The following EPHB6 variants were observed in gnomAD, a reference collection of about 807,000 sequenced individuals.
The protein encoded by EPHB6 is EPH receptor B6, also known as ephrin type-B receptor 6.
In EPHB6, 51 loss-of-function variants were observed where a neutral mutation model predicts 107.0. The observed-to-expected ratio is 0.48, with a 90% CI of 0.38 to 0.60. The LOEUF is 0.60. Ranked by LOEUF, EPHB6 falls within the 20% of genes least tolerant of loss-of-function variation. The probability of loss-of-function intolerance (pLI) is 0.00; values close to 1 mark genes in which losing one functional copy is unlikely to be tolerated. For missense variants in EPHB6, 1,141 were observed against 1,355.5 expected, an observed-to-expected ratio of 0.84 and a Z score of 2.48; for synonymous variants, 553 against 549.0, an observed-to-expected ratio of 1.01 and a Z score of -0.10.
Position 142,866,814 on chromosome 7 carries a change from C to G in EPHB6, c.1588-92C>G. ...GCAGCACTGGGCATGTGTCTGAGAG[C>G]CCTGTCAACCAGGGAGGGTGGCTGG... is the stretch of plus-strand genomic sequence containing the variant. On this transcript the variant is annotated intron_variant, in intron 10 of 19. Transcript: ENST00000652003. This position sits in a 1 kb window ranked among gnomAD's most constrained non-coding sequence, Gnocchi z 5.2. The G allele has an allele frequency of 1.2e-6, 2 of 1,604,432 alleles. No homozygotes were observed. The highest frequency in any genetic ancestry group is 1.7e-6 in the Non-Finnish European group (2 of 1,172,502).
chr7:142,868,003 G>C lies in EPHB6; in HGVS notation c.1872G>C (p.Arg624=). Residue 624 remains arginine (R), a synonymous_variant, in exon 13 of 20, where the codon CGG becomes CGC. Transcript: ENST00000652003. The surrounding 1 kb of genome is among the most constrained non-coding windows in gnomAD (Gnocchi z 4.2). The part of the protein sequence containing the change: ...TVLAVVFQRK[R]RGTGYTEQLQ... ...TCACCGTTTTGTTCCTCAGGAAGCG[G>C]CGTGGGACTGGCTACACAGAGCAGC... 6.3e-7 allele frequency: 1 copy of C among 1,579,774 alleles called. No individual in the cohort carries two copies. Among genetic ancestry groups the C allele is most frequent in the Non-Finnish European group, 8.6e-7 (1 of 1,162,792 alleles).
rs779720393 is a variant in EPHB6 at position 142,868,679 on chromosome 7, C to T, written c.2226C>T (p.Ser742=). 2.0e-5 allele frequency: 33 copies of T among 1,613,838 alleles called. No homozygotes were observed. The highest frequency in any genetic ancestry group is 2.6e-5 in the Non-Finnish European group (31 of 1,180,036). ...ILRLEGVVTK[S]RPLMVLTEFM... ...GGCTGGAGGGCGTGGTCACCAAGAG[C>T]CGACCCCTCATGGTGCTGACGGAGT... The change falls in exon 15 of 20, where the codon AGC becomes AGT. Residue 742 remains serine, a synonymous_variant. Coordinates refer to ENST00000652003, the MANE Select transcript of EPHB6 (RefSeq NM_004445.6). The surrounding 1 kb of genome is among the most constrained non-coding windows in gnomAD (Gnocchi z 4.2).
chr7:142,868,743 A>G lies in EPHB6; in HGVS notation c.2286+4A>G, dbSNP rs761800698. 2 of 1,613,842 alleles carry G rather than the reference A, an allele frequency of 1.2e-6. No homozygotes were observed. The highest frequency in any genetic ancestry group is 2.2e-5 in the East Asian group (1 of 44,866). ...CCCCCTGGACAGCTTCCTCAGGGTCAGTCCAGCCTGGGTGAAGGAGGAGGG... is the reference window on the plus strand; with the variant it reads ...CCCCCTGGACAGCTTCCTCAGGGTCGGTCCAGCCTGGGTGAAGGAGGAGGG... On this transcript the variant is annotated splice_donor_region_variant and intron_variant, in intron 15 of 19. Coordinates refer to ENST00000652003, the MANE Select transcript of EPHB6 (RefSeq NM_004445.6). This position sits in a 1 kb window ranked among gnomAD's most constrained non-coding sequence, Gnocchi z 4.2.
intron 1 of EPHB6, among the ~76,000 whole-genome samples, chr7:142,860,587 T>C (rs947673346): frequency 2.0e-5 from 3 of 152,260 alleles, no homozygotes; most frequent in Non-Finnish European, 2.9e-5. Flanking sequence ...TGAAGGATCC[T>C]AGTAACATTT....
rs1322291882 is a variant in EPHB6 at position 142,868,693 on chromosome 7, T to C, written c.2240T>C (p.Val747Ala). Residue 747 changes from valine (V) to alanine (A), a missense_variant, in exon 15 of 20, where the codon GTG (valine) becomes GCG (alanine). Coordinates refer to ENST00000652003, the MANE Select transcript of EPHB6 (RefSeq NM_004445.6). This position sits in a 1 kb window ranked among gnomAD's most constrained non-coding sequence, Gnocchi z 4.2. ...GTCACCAAGAGCCGACCCCTCATGG[T>C]GCTGACGGAGTTCATGGAGCTTGGC... is the stretch of plus-strand genomic sequence containing the variant. Reference protein sequence around the residue: ...GVVTKSRPLMVLTEFMELGPL... With the variant: ...GVVTKSRPLMALTEFMELGPL... The C allele has an allele frequency of 6.2e-7, 1 of 1,613,930 alleles. No individual in the cohort carries two copies. Among genetic ancestry groups the C allele is most frequent in the Non-Finnish European group, 8.5e-7 (1 of 1,180,004 alleles).
chr7:142,863,854 C>G, intron 6 of EPHB6, 112 bp from the exon 7 acceptor site: 1 of 1,534,278 alleles, frequency 6.5e-7, no homozygotes, highest in Non-Finnish European at 9.0e-7. Context: ...ATCTGCTTTG[C>G]TTGTCATTAA....
intron 8 of EPHB6, 69 bp downstream of exon 8, chr7:142,865,699 C>T (rs929032486): frequency 1.3e-6 from 2 of 1,579,172 alleles, no homozygotes; most frequent in Non-Finnish European, 1.7e-6. Context: ...GGGTAGCAGG[C>T]AACACTGGGG....
intron 1 of EPHB6, among the ~76,000 whole-genome samples, chr7:142,856,546 G>A (rs367918771): frequency 2.0e-5 from 3 of 152,132 alleles, no homozygotes; most frequent in African/African-American, 4.8e-5. Context: ...CTTCTGGGAC[G>A]GCTGTTCTGC....
chr7:142,868,914 A>C lies in EPHB6; in HGVS notation c.2287-60A>C. ...CTCATGCTGTTGTCTGCTATGCAGTATGTTGAGGTCTCCCCCTGTCTCCGA... is the reference window on the plus strand; with the variant it reads ...CTCATGCTGTTGTCTGCTATGCAGTCTGTTGAGGTCTCCCCCTGTCTCCGA... On this transcript the variant is annotated intron_variant, in intron 15 of 19. Transcript: ENST00000652003. This position sits in a 1 kb window ranked among gnomAD's most constrained non-coding sequence, Gnocchi z 4.2. 1 of 1,522,194 alleles carries C rather than the reference A, an allele frequency of 6.6e-7. No individual in the cohort carries two copies. The highest frequency in any genetic ancestry group is 8.8e-7 in the Non-Finnish European group (1 of 1,134,878). 94.3% of individuals were successfully genotyped at this position (1,522,194 alleles called of 1,614,324 possible). A position where few individuals can be genotyped will look rare whatever the true frequency, so the allele number is the denominator to read the frequency against.
Position 142,867,557 on chromosome 7 carries a change from G to A in EPHB6, c.1751-51G>A. The A allele has an allele frequency of 6.6e-7, 1 of 1,503,996 alleles. No individual in the cohort carries two copies. Among genetic ancestry groups the A allele is most frequent in the Non-Finnish European group, 9.1e-7 (1 of 1,094,664 alleles). The allele number at this position is 1,503,996 out of a possible 1,614,324, so 93.2% of individuals were successfully genotyped here. A position where few individuals can be genotyped will look rare whatever the true frequency, so the allele number is the denominator to read the frequency against. ...TGTGGGTGCCTGGGCACATGAACAA[G>A]CACCTGTGAGAGACCTGGCCCACCT... On this transcript the variant is annotated intron_variant, in intron 11 of 19. Transcript: ENST00000652003. This position sits in a 1 kb window ranked among gnomAD's most constrained non-coding sequence, Gnocchi z 5.3.
intron 1 of EPHB6, among the ~76,000 whole-genome samples, chr7:142,860,144 A>G (rs1802780001): frequency 6.6e-6 from 1 of 152,166 alleles, no homozygotes; most frequent in Non-Finnish European, 1.5e-5. Context: ...TATTTCCAAA[A>G]TATTTATTGT....
In EPHB6 at chr7:142,869,040, C is replaced by T. The variant is rs2116477236; in HGVS notation, c.2353C>T (p.Gln785Ter). The stretch of plus-strand genomic sequence containing the variant: ...GCAGCGGGGAGTGGCTGCTGCCATG[C>T]AGTACCTGTCCAGCTTTGCCTTCGT... ...AMQRGVAAAMQYLSSFAFVHR... is the reference protein window; with the variant it reads ...AMQRGVAAAM The change falls in exon 16 of 20, where the codon CAG becomes TAG. Residue 785 changes from glutamine (Q) to a stop codon, truncating the protein, a stop_gained. Coordinates refer to ENST00000652003, the MANE Select transcript of EPHB6 (RefSeq NM_004445.6). LOFTEE classifies it high-confidence loss of function. This position sits in a 1 kb window ranked among gnomAD's most constrained non-coding sequence, Gnocchi z 4.5. The T allele has an allele frequency of 6.2e-7, 1 of 1,613,090 alleles. No homozygotes were observed. Among genetic ancestry groups the T allele is most frequent in the Non-Finnish European group, 8.5e-7 (1 of 1,180,002 alleles).
intron 4 of EPHB6, 82 bp from the exon 5 acceptor site, chr7:142,863,045 G>A: frequency 1.6e-6 from 1 of 607,532 alleles, no homozygotes; most frequent in Non-Finnish European, 2.9e-6. Flanking sequence ...CACAGACACG[G>A]GGTCAGCTTT....
chr7:142,855,642 A>G lies in EPHB6; in HGVS notation c.-432+257A>G, dbSNP rs1802568664. On this transcript the variant is annotated intron_variant, in intron 1 of 19. Coordinates refer to ENST00000652003, the MANE Select transcript of EPHB6 (RefSeq NM_004445.6). This position sits in a 1 kb window ranked among gnomAD's most constrained non-coding sequence, Gnocchi z 4.2. ...ATTACCCTTGCTGTTAGGATCCCCC[A>G]GTTGCGTTCCCAGACATTCTCCTCT... 6.6e-6 allele frequency among the ~76,000 whole-genome samples: 1 copy of G among 152,084 alleles called. No homozygotes were observed. Among genetic ancestry groups the G allele is most frequent in the African/African-American group, 2.4e-5 (1 of 41,416 alleles).
chr7:142,856,165 G>T (rs1451715397), intron 1 of EPHB6, among the ~76,000 whole-genome samples: 2 of 152,306 alleles, frequency 1.3e-5, no homozygotes, highest in Middle Eastern at 6.8e-3. Flanking sequence ...CCCTCCGCCC[G>T]CCAGGGGAAC....
At position 142,867,634 on chromosome 7, in the gene EPHB6, A is replaced by G; in HGVS notation, c.1777A>G (p.Arg593Gly). ...QGELSSQLPE[R>G]LSLVIGSILG... The stretch of plus-strand genomic sequence containing the variant: ...GGAGCTGTCTTCCCAGCTTCCAGAA[A>G]GACTCTCCTTGGTGATCGGCTCCAT... Residue 593 changes from arginine (R) to glycine (G), a missense_variant, in exon 12 of 20, where the codon AGA becomes GGA. Around this residue, in one of 3 missense-constraint regions of EPHB6, gnomAD observed 616 missense variants for 759.3 expected, o/e 0.81. Transcript: ENST00000652003. The surrounding 1 kb of genome is among the most constrained non-coding windows in gnomAD (Gnocchi z 5.3). The G allele has an allele frequency of 1.2e-6, 2 of 1,613,450 alleles. No individual in the cohort carries two copies. The highest frequency in any genetic ancestry group is 1.7e-5 in the Admixed American group (1 of 60,002).
chr7:142,868,121 T>A lies in EPHB6; in HGVS notation c.1918+72T>A. 6.2e-7 allele frequency: 1 copy of A among 1,613,074 alleles called. No homozygotes were observed. Among genetic ancestry groups the A allele is most frequent in the Admixed American group, 1.7e-5 (1 of 59,974 alleles). ...GGGGCACATGGCAGGCAAGGCTGGA[T>A]CCCCCCAAGATTGGGGGAGCTCCTT... On this transcript the variant is annotated intron_variant, in intron 13 of 19. Coordinates refer to ENST00000652003, the MANE Select transcript of EPHB6 (RefSeq NM_004445.6). The surrounding 1 kb of genome is among the most constrained non-coding windows in gnomAD (Gnocchi z 4.2).
rs2049821 is a variant in EPHB6, at chr7:142,855,886, C to T, written c.-432+501C>T. Among the ~76,000 whole-genome samples, 5,653 of 152,222 alleles carry T rather than the reference C, an allele frequency of 0.037. 108 individuals are homozygous for T. Among genetic ancestry groups the T allele is most frequent in the African/African-American group, 0.046 (1,912 of 41,538 alleles). On this transcript the variant is annotated intron_variant, in intron 1 of 19. Coordinates refer to ENST00000652003, the MANE Select transcript of EPHB6 (RefSeq NM_004445.6). The surrounding 1 kb of genome is among the most constrained non-coding windows in gnomAD (Gnocchi z 4.2). ...AGTTAAGCCTTGGAGGTGGAAGGAA[C>T]GCTTGGTTCCTGCTGCCCAGCCATC...
In EPHB6 at chr7:142,855,133, A is replaced by C. The variant is rs1317837396; in HGVS notation, c.-684A>C. 1 of 152,032 alleles carries C rather than the reference A, an allele frequency of 6.6e-6. No individual in the cohort carries two copies. Among genetic ancestry groups the C allele is most frequent in the Non-Finnish European group, 1.5e-5 (1 of 67,986 alleles). The allele number at this position is 152,032 out of a possible 1,614,324, so 9.4% of individuals were successfully genotyped here. On this transcript the variant is annotated 5_prime_UTR_variant, in exon 1 of 20. Coordinates refer to ENST00000652003, the MANE Select transcript of EPHB6 (RefSeq NM_004445.6). This position sits in a 1 kb window ranked among gnomAD's most constrained non-coding sequence, Gnocchi z 4.2. ...CAGCGGGCGGCGGGACCCGGGACCC[A>C]GCTTGGCGACGGCGATCTCGACGCG...
Sources: gnomAD v4.1 joint callset for allele counts (sites outside exome capture counted in the v4.1 genomes callset) on GRCh38, gnomAD v4.1.1 for gene constraint, gnomAD v4.1.1 regional missense constraint, Gnocchi (gnomAD v3.1) non-coding constraint, MANE v1.5 for transcripts, NCBI Gene and HGNC (gene_info 2026-07-23, HGNC 2026-07-21) for gene names.